Variants in TJP2 observed in about 807,000 individuals in gnomAD.
TJP2 encodes the protein tight junction protein 2.
Under a neutral mutation model 133.1 loss-of-function variants are expected in TJP2, and 91 were observed. That is an observed-to-expected ratio of 0.68 (90% CI 0.58 to 0.81). The LOEUF (loss-of-function observed/expected upper bound fraction) is 0.81. TJP2 is among the 40% of genes least tolerant of loss of function. The pLI, the probability that TJP2 is intolerant of heterozygous loss-of-function variation, is 0.00. For missense variants in TJP2, 1,541 were observed against 1,565.6 expected, an observed-to-expected ratio of 0.98 and a Z score of 0.26; for synonymous variants, 592 against 583.4, an observed-to-expected ratio of 1.01 and a Z score of -0.21.
chr9:69,175,523 G>A (rs1385476175), intron 1 of TJP2, among the ~76,000 whole-genome samples: 1 of 152,232 alleles, frequency 6.6e-6, no homozygotes, highest in African/African-American at 2.4e-5. Flanking sequence ...AGTGGTAAAT[G>A]TATTTGTAGC....
chr9:69,248,216 C>G lies in TJP2; in HGVS notation c.2872C>G (p.His958Asp). Residue 958 changes from histidine (H) to aspartate (D), a missense_variant, in exon 19 of 23, where the codon CAC (histidine) becomes GAC (aspartate). Transcript: ENST00000377245. ...SITRSSEPVQ[H>D]EESIRKPSPE... ...CACCCGCTCCTCGGAGCCGGTGCAG[C>G]ACGAGGAGGTGAGGCGAGGCAGGCC... 1 of 1,599,896 alleles carries G rather than the reference C, an allele frequency of 6.3e-7. No homozygotes were observed.
intron 1 of TJP2, among the ~76,000 whole-genome samples, chr9:69,181,321 T>TC (rs1477037432): frequency 3.6e-5 from 5 of 138,284 alleles, no homozygotes; most frequent in Admixed American, 1.6e-4. Flanking sequence ...CGATCTCAGC[T>TC]CACTGCAACG....
At chr9:69,151,234 C>A (rs975230874) in intron 1 of TJP2, among the ~76,000 whole-genome samples, 7 of 152,144 alleles carry the variant, frequency 4.6e-5, no homozygotes, top group African/African-American at 1.7e-4. Context: ...GTAATCCCAG[C>A]ACTTTGGGAA....
intron 1 of TJP2, among the ~76,000 whole-genome samples, chr9:69,180,660 C>T (rs72709050): frequency 0.1 from 15,740 of 152,148 alleles, 902 homozygotes; most frequent in South Asian, 0.17. Flanking sequence ...GAAGACTGTT[C>T]CTAGGTATAT....
At chr9:69,184,226 A>T (rs946997751) in intron 1 of TJP2, among the ~76,000 whole-genome samples, 3 of 152,222 alleles carry the variant, frequency 2.0e-5, no homozygotes, top group East Asian at 3.9e-4. Context: ...AAGGGGATTC[A>T]ATACAGAGTA....
intron 8 of TJP2, 36 bp from the exon 9 acceptor site, chr9:69,227,945 A>C (rs768487515): frequency 3.7e-6 from 6 of 1,614,118 alleles, no homozygotes; most frequent in Non-Finnish European, 5.1e-6. Flanking sequence ...TGAAACTGTT[A>C]TCTCTTGAGA....
intron 5 of TJP2, among the ~76,000 whole-genome samples, chr9:69,222,798 G>A (rs950212680): frequency 6.6e-6 from 1 of 151,570 alleles, no homozygotes; most frequent in African/African-American, 2.4e-5. Context: ...GCCGGGTGCA[G>A]TGGCTCACAC....
At chr9:69,125,611 G>T (rs1822283063) in intron 1 of TJP2, among the ~76,000 whole-genome samples, 1 of 75,962 alleles carries the variant, frequency 1.3e-5, no homozygotes, top group South Asian at 3.6e-4. Context: ...GGCTCACCTT[G>T]ATTCTGATAT....
chr9:69,236,978 C>A lies in TJP2; in HGVS notation c.2021C>A (p.Ala674Asp). The A allele has an allele frequency of 6.2e-7, 1 of 1,614,150 alleles. No individual in the cohort carries two copies. Among genetic ancestry groups the A allele is most frequent in the African/African-American group, 1.3e-5 (1 of 75,028 alleles). Residue 674 changes from alanine (A) to aspartate (D), a missense_variant, in exon 14 of 23, where the codon GCC becomes GAC. Transcript: ENST00000377245. ...GAACAAATGGCCAGTGTTCAAAATG[C>A]CCAGAGAGACAACGCTGGGGACCGG... ...RAEQMASVQNAQRDNAGDRAD... is the reference protein window; with the variant it reads ...RAEQMASVQNDQRDNAGDRAD...
chr9:69,204,919 G>C, intron 1 of TJP2: 1 of 1,245,392 alleles, frequency 8.0e-7, no homozygotes, highest in Non-Finnish European at 1.0e-6. Flanking sequence ...GAGAGAGAGG[G>C]AGAGAAAGAA....
intron 1 of TJP2, among the ~76,000 whole-genome samples, chr9:69,179,115 G>A (rs559169757): frequency 6.6e-6 from 1 of 152,290 alleles, no homozygotes; most frequent in South Asian, 2.1e-4. Flanking sequence ...GCAGGCGAAT[G>A]AATCAAGGAG....
chr9:69,131,669 G>A (rs74598312), intron 1 of TJP2, among the ~76,000 whole-genome samples: 1 of 152,174 alleles, frequency 6.6e-6, no homozygotes. Flanking sequence ...GTGACTTGCT[G>A]TATGGTCAGG....
intron 1 of TJP2, among the ~76,000 whole-genome samples, chr9:69,143,052 T>TA (rs1157444518): frequency 2.0e-5 from 3 of 152,212 alleles, no homozygotes; most frequent in African/African-American, 2.4e-5. Context: ...ATGACAATTT[T>TA]AAAAAATGAA....
chr9:69,237,401 T>TA (rs2133390251), intron 14 of TJP2, among the ~76,000 whole-genome samples: 1 of 152,304 alleles, frequency 6.6e-6, no homozygotes, highest in Admixed American at 6.5e-5. Flanking sequence ...CACTGTACCT[T>TA]ATGCCTATAA....
chr9:69,184,604 A>C (rs974252486), intron 1 of TJP2, among the ~76,000 whole-genome samples: 2 of 152,172 alleles, frequency 1.3e-5, no homozygotes, highest in Non-Finnish European at 2.9e-5. Context: ...AGAAACAGAA[A>C]CTCAGTGCCA....
intron 1 of TJP2, among the ~76,000 whole-genome samples, chr9:69,182,962 A>ATT (rs796917143): frequency 6.8e-5 from 9 of 132,240 alleles, no homozygotes; most frequent in Non-Finnish European, 1.1e-4. Context: ...CTAATTTTGT[A>ATT]TTTTTTTTTT....
intron 14 of TJP2, 106 bp from the exon 15 acceptor site, chr9:69,237,771 GT>G: frequency 1.2e-6 from 1 of 815,946 alleles, no homozygotes; most frequent in Non-Finnish European, 2.1e-6. Context: ...AGAAACCACA[GT>G]TTCTTTCGTT....
intron 1 of TJP2, among the ~76,000 whole-genome samples, chr9:69,190,481 C>T (rs1193511442): frequency 1.3e-5 from 2 of 152,202 alleles, no homozygotes; most frequent in Admixed American, 6.5e-5. Context: ...GCTGACCTAA[C>T]TTTTGGATTA....
chr9:69,240,718 G>A (rs779770755), intron 17 of TJP2, among the ~76,000 whole-genome samples: 1 of 151,766 alleles, frequency 6.6e-6, no homozygotes, highest in Non-Finnish European at 1.5e-5. Flanking sequence ...TTGGAGGATC[G>A]CTTGAGCCAG....
Sources: allele counts gnomAD v4.1 joint callset (sites outside exome capture counted in the v4.1 genomes callset), GRCh38; gene constraint gnomAD v4.1.1; transcripts MANE v1.5; gene names NCBI Gene and HGNC (gene_info 2026-07-23, HGNC 2026-07-21).